TPX2: variants seen among roughly 807,000 people sequenced by gnomAD.
The protein encoded by TPX2 is targeting protein for Xklp2.
A neutral mutation model predicts 93.6 loss-of-function variants in TPX2; 21 were observed. The observed-to-expected ratio is 0.22, with a 90% CI of 0.16 to 0.32. The LOEUF (loss-of-function observed/expected upper bound fraction) is 0.32, where lower values mean the gene tolerates loss of function less well. Among genes scored for constraint, TPX2 ranks in the 10% least tolerant of loss-of-function variants. The pLI is 1.00. For synonymous variants in TPX2, 281 were observed against 298.3 expected (o/e 0.94, Z 0.60); for missense variants, 776 against 871.1 (o/e 0.89, Z 1.37).
At chr20:31,741,311 G>A (rs1237107243) in intron 1 of TPX2, among the ~76,000 whole-genome samples, 1 of 148,736 alleles carries the variant, frequency 6.7e-6, no homozygotes, top group East Asian at 2.1e-4. Flanking sequence ...TTTTGTTTTT[G>A]TTTTTGTTTT....
chr20:31,759,748 G>A (rs2061876794), intron 3 of TPX2, among the ~76,000 whole-genome samples: 1 of 152,056 alleles, frequency 6.6e-6, no homozygotes, highest in Admixed American at 6.6e-5. Context: ...AGTAGATAAA[G>A]CCAGTTCATA....
chr20:31,743,752 G>A (rs1443673145), intron 2 of TPX2, among the ~76,000 whole-genome samples: 1 of 146,880 alleles, frequency 6.8e-6, no homozygotes, highest in African/African-American at 2.6e-5. Context: ...TTGAGGCAGA[G>A]TTTCGCTCTT....
intron 5 of TPX2, among the ~76,000 whole-genome samples, chr20:31,768,823 C>T (rs939108106): frequency 2.0e-5 from 3 of 151,852 alleles, no homozygotes; most frequent in Non-Finnish European, 4.4e-5. Context: ...ACCAAATGGC[C>T]GATACACATG....
chr20:31,742,118 G>A (rs1417118351), intron 1 of TPX2, among the ~76,000 whole-genome samples: 1 of 151,600 alleles, frequency 6.6e-6, no homozygotes, highest in Non-Finnish European at 1.5e-5. Context: ...AGGTTACTTT[G>A]GAAATTAAAA....
At chr20:31,798,266 C>T in intron 16 of TPX2, 99 bp from the exon 17 acceptor site, 1 of 1,428,200 alleles carries the variant, frequency 7.0e-7, no homozygotes, top group Non-Finnish European at 9.8e-7. Context: ...CACAGTCTTC[C>T]TGTTAGTGTG....
intron 2 of TPX2, among the ~76,000 whole-genome samples, chr20:31,744,244 C>T (rs2061770988): frequency 7.1e-6 from 1 of 140,514 alleles, no homozygotes; most frequent in South Asian, 2.2e-4. Context: ...CTCAATGCAA[C>T]CTCCGCCTCC....
chr20:31,798,556 A>T lies in TPX2; in HGVS notation c.2133+4A>T. The T allele has an allele frequency of 4.4e-6, 7 of 1,600,910 alleles. No individual in the cohort carries two copies. Among genetic ancestry groups the T allele is most frequent in the Non-Finnish European group, 6.0e-6 (7 of 1,175,648 alleles). Reference sequence around the variant, plus strand: ...GGCCAGGCTACGGAGAGAACTGGTAACTGGGAGCATGAGCACTGACGAACA... The same window carrying T: ...GGCCAGGCTACGGAGAGAACTGGTATCTGGGAGCATGAGCACTGACGAACA... On this transcript the variant is annotated splice_donor_region_variant and intron_variant, in intron 17 of 17. Coordinates refer to ENST00000300403, the MANE Select transcript of TPX2 (RefSeq NM_012112.5).
At chr20:31,763,769 C>T (rs927249052) in intron 4 of TPX2, among the ~76,000 whole-genome samples, 5 of 149,240 alleles carry the variant, frequency 3.4e-5, no homozygotes, top group Admixed American at 1.3e-4. Flanking sequence ...CCTGTAATCC[C>T]AGCACTTTGG....
At chr20:31,768,554 T>C (rs2061944352) in intron 5 of TPX2, among the ~76,000 whole-genome samples, 1 of 152,086 alleles carries the variant, frequency 6.6e-6, no homozygotes, top group Admixed American at 6.6e-5. Context: ...CGGAAAGATT[T>C]CTTAAACAGG....
chr20:31,788,270 T>G (rs753484656), intron 12 of TPX2, among the ~76,000 whole-genome samples: 1 of 151,724 alleles, frequency 6.6e-6, no homozygotes, highest in African/African-American at 2.4e-5. Context: ...CAAAAAAAAT[T>G]AGCCGGGCGT....
chr20:31,793,835 A>T lies in TPX2; in HGVS notation c.1510-13A>T. 6.4e-7 allele frequency: 1 copy of T among 1,552,594 alleles called. No homozygotes were observed. The highest frequency in any genetic ancestry group is 8.7e-7 in the Non-Finnish European group (1 of 1,148,956). On this transcript the variant is annotated splice_polypyrimidine_tract_variant and intron_variant, in intron 13 of 17. Coordinates refer to ENST00000300403, the MANE Select transcript of TPX2 (RefSeq NM_012112.5). Reference sequence around the variant, plus strand: ...TGAGGAGTCTTATTTCTAAACTGCAATTTTTTCCCTAGGAAGAGGACGAAC... The same window carrying T: ...TGAGGAGTCTTATTTCTAAACTGCATTTTTTTCCCTAGGAAGAGGACGAAC...
intron 15 of TPX2, 87 bp from the exon 16 acceptor site, chr20:31,797,317 C>G: frequency 8.8e-7 from 1 of 1,131,066 alleles, no homozygotes; most frequent in South Asian, 1.4e-5. Flanking sequence ...ATTGATGAAG[C>G]AGTTCAGACA....
intron 3 of TPX2, among the ~76,000 whole-genome samples, chr20:31,758,807 G>A (rs1352730543): frequency 1.3e-5 from 2 of 152,134 alleles, no homozygotes; most frequent in Non-Finnish European, 2.9e-5. Flanking sequence ...GCTGTCCTGC[G>A]GGGATCTTCC....
At chr20:31,745,515 A>G (rs2061778894) in intron 2 of TPX2, among the ~76,000 whole-genome samples, 1 of 152,062 alleles carries the variant, frequency 6.6e-6, no homozygotes, top group Non-Finnish European at 1.5e-5. Flanking sequence ...TTTATTAGAG[A>G]TGGGGTTTTG....
chr20:31,780,332 G>T (rs2062025704), intron 10 of TPX2, among the ~76,000 whole-genome samples: 1 of 152,130 alleles, frequency 6.6e-6, no homozygotes, highest in South Asian at 2.1e-4. Context: ...GATTACAGGT[G>T]TGAGCCACTG....
chr20:31,776,108 C>CTGTCGCCCA (rs2061997238), intron 8 of TPX2, 120 bp downstream of exon 8: 1 of 963,982 alleles, frequency 1.0e-6, no homozygotes, highest in Admixed American at 6.7e-5. Flanking sequence ...GAGTCTCGCT[C>CTGTCGCCCA]TGTCGCCCAG....
intron 7 of TPX2, among the ~76,000 whole-genome samples, chr20:31,772,313 G>T (rs1185345921): frequency 4.6e-5 from 7 of 152,050 alleles, no homozygotes; most frequent in African/African-American, 1.4e-4. Context: ...GAGCCACTGT[G>T]CCCAGCCTAC....
chr20:31,763,266 G>A (rs2061901782), intron 4 of TPX2, among the ~76,000 whole-genome samples: 1 of 152,022 alleles, frequency 6.6e-6, no homozygotes, highest in South Asian at 2.1e-4. Context: ...TGCAACCTCC[G>A]CCCCCCGGGT....
intron 2 of TPX2, among the ~76,000 whole-genome samples, chr20:31,751,581 G>A (rs892698444): frequency 6.6e-6 from 1 of 152,160 alleles, no homozygotes. Flanking sequence ...ACTTGAAGTA[G>A]CTTCTTATTT....
Sources: allele counts gnomAD v4.1 joint callset (sites outside exome capture counted in the v4.1 genomes callset), GRCh38; gene constraint gnomAD v4.1.1; transcripts MANE v1.5; gene names NCBI Gene and HGNC (gene_info 2026-07-23, HGNC 2026-07-21).